The following SPOCK3 variants were observed in gnomAD, a reference collection of about 807,000 sequenced individuals.
SPOCK3 encodes SPARC (osteonectin), cwcv and kazal like domains proteoglycan 3.
Under a neutral mutation model 56.6 loss-of-function variants are expected in SPOCK3, and 30 were observed. That is an observed-to-expected ratio of 0.53 (90% confidence interval 0.40 to 0.72). The LOEUF (loss-of-function observed/expected upper bound fraction) is 0.72. Among genes scored for constraint, SPOCK3 ranks in the 30% least tolerant of loss-of-function variants. The probability of loss-of-function intolerance (pLI) is 0.00; values close to 1 mark genes in which losing one functional copy is unlikely to be tolerated. For missense variants in SPOCK3, 527 were observed against 530.0 expected, an observed-to-expected ratio of 0.99 and a Z score of 0.06; for synonymous variants, 196 against 183.3, an observed-to-expected ratio of 1.07 and a Z score of -0.56.
At chr4:167,158,037 A>G (rs1262333215) in intron 2 of SPOCK3, among the ~76,000 whole-genome samples, 1 of 152,042 alleles carries the variant, frequency 6.6e-6, no homozygotes, top group African/African-American at 2.4e-5. Context: ...GTGTAAAAAC[A>G]ACTATATCCT....
intron 6 of SPOCK3, among the ~76,000 whole-genome samples, chr4:166,818,220 T>C (rs564938452): frequency 1.3e-5 from 2 of 152,088 alleles, no homozygotes; most frequent in South Asian, 4.1e-4. Context: ...TTTCATCCTT[T>C]TTTGTGGCTA....
intron 2 of SPOCK3, among the ~76,000 whole-genome samples, chr4:167,148,273 T>C (rs1561266992): frequency 6.6e-6 from 1 of 152,058 alleles, no homozygotes; most frequent in Non-Finnish European, 1.5e-5. Context: ...AATGTCCTAA[T>C]ACAAAGAGGA....
intron 3 of SPOCK3, among the ~76,000 whole-genome samples, chr4:167,035,355 C>T (rs954998118): frequency 6.6e-6 from 1 of 150,744 alleles, no homozygotes; most frequent in African/African-American, 2.4e-5. Context: ...AAGGACAATA[C>T]AGAAAGTGGA....
intron 2 of SPOCK3, among the ~76,000 whole-genome samples, chr4:167,183,820 C>T (rs1006429963): frequency 6.6e-6 from 1 of 152,148 alleles, no homozygotes; most frequent in Admixed American, 6.5e-5. Context: ...AGTCTTCAGC[C>T]ATGAGAGCTT....
chr4:166,745,017 G>A (rs1419618299), intron 8 of SPOCK3, among the ~76,000 whole-genome samples: 1 of 152,182 alleles, frequency 6.6e-6, no homozygotes, highest in Non-Finnish European at 1.5e-5. Flanking sequence ...TTTGATTGGT[G>A]TACGTGAAAG....
intron 6 of SPOCK3, among the ~76,000 whole-genome samples, chr4:166,878,533 A>G (rs1426096937): frequency 1.3e-5 from 2 of 151,850 alleles, no homozygotes; most frequent in African/African-American, 4.8e-5. Context: ...GTATATTTTA[A>G]ATGTATAAAA....
chr4:167,112,848 T>TTTA (rs1554038269), intron 2 of SPOCK3, among the ~76,000 whole-genome samples: 1 of 149,490 alleles, frequency 6.7e-6, no homozygotes, highest in Non-Finnish European at 1.5e-5. Context: ...TGCTCTTTTT[T>TTTA]AAAAAAAAAA....
chr4:166,763,870 C>A (rs1281895981), intron 7 of SPOCK3, among the ~76,000 whole-genome samples: 11 of 152,116 alleles, frequency 7.2e-5, no homozygotes, highest in Non-Finnish European at 1.6e-4. Flanking sequence ...AACATCAATT[C>A]ATTATTTCAT....
rs1261451600 is a variant in SPOCK3, at chr4:167,057,208, A to C, written c.235+5284T>G. On this transcript the variant is annotated intron_variant, in intron 3 of 10. Coordinates refer to ENST00000357545, the MANE Select transcript of SPOCK3 (RefSeq NM_001040159.2). Reference sequence around the variant, plus strand: ...ACTAAGCTTCATAAGTGAAGGAGAAATAAAATACTTTACAGACAAGCAAAT... The same window carrying C: ...ACTAAGCTTCATAAGTGAAGGAGAACTAAAATACTTTACAGACAAGCAAAT... Among the ~76,000 whole-genome samples, 6 of 152,340 alleles carry C rather than the reference A, an allele frequency of 3.9e-5. No individual in the cohort carries two copies. The East Asian group carries it at 1.2e-3, about 29-fold the overall frequency.
chr4:166,983,756 A>G (rs893258781), intron 4 of SPOCK3, among the ~76,000 whole-genome samples: 2 of 152,116 alleles, frequency 1.3e-5, no homozygotes, highest in Admixed American at 1.3e-4. Flanking sequence ...TGAAAAATGT[A>G]TATTGCCCCT....
chr4:167,041,456 T>A lies in SPOCK3; in HGVS notation c.235+21036A>T, dbSNP rs186468591. ...AGTATCTAGAAGATCTAAAATCTGA[T>A]CTCAACTGCATTTATTAATATTTGT... On this transcript the variant is annotated intron_variant, in intron 3 of 10. Transcript: ENST00000357545. Among the ~76,000 whole-genome samples, 7 of 152,338 alleles carry A rather than the reference T, an allele frequency of 4.6e-5. No homozygotes were observed. The East Asian group carries it at 9.6e-4, about 21-fold the overall frequency.
At chr4:166,924,109 C>A (rs1254230784) in intron 4 of SPOCK3, among the ~76,000 whole-genome samples, 1 of 152,086 alleles carries the variant, frequency 6.6e-6, no homozygotes, top group Non-Finnish European at 1.5e-5. Flanking sequence ...CCGTTAAAAG[C>A]CAGTCAGTTA....
chr4:166,908,182 C>G (rs1043506306), intron 5 of SPOCK3, among the ~76,000 whole-genome samples: 4 of 151,294 alleles, frequency 2.6e-5, no homozygotes, highest in Non-Finnish European at 5.9e-5. Flanking sequence ...AAGGTTAAAA[C>G]ATTATAGTAG....
intron 5 of SPOCK3, among the ~76,000 whole-genome samples, chr4:166,900,606 GC>G (rs1735935804): frequency 6.6e-6 from 1 of 152,178 alleles, no homozygotes; most frequent in South Asian, 2.1e-4. Context: ...CCAGTTGGCA[GC>G]CTGTCCAAAG....
intron 6 of SPOCK3, among the ~76,000 whole-genome samples, chr4:166,813,531 G>C (rs890946795): frequency 1.3e-5 from 2 of 151,244 alleles, no homozygotes; most frequent in African/African-American, 4.9e-5. Context: ...ATCAGAAAAA[G>C]AAATATCCAA....
At chr4:167,084,086 C>T (rs577239127) in intron 2 of SPOCK3, among the ~76,000 whole-genome samples, 1 of 152,130 alleles carries the variant, frequency 6.6e-6, no homozygotes, top group South Asian at 2.1e-4. Flanking sequence ...TAATTAGTCT[C>T]AAATTTCATG....
At chr4:166,781,428 AGAG>A (rs1030269482) in intron 7 of SPOCK3, among the ~76,000 whole-genome samples, 43 of 99,918 alleles carry the variant, frequency 4.3e-4, no homozygotes, top group South Asian at 1.0e-3. Flanking sequence ...AAAATAAAAC[AGAG>A]GAGGAGGAGG....
intron 5 of SPOCK3, among the ~76,000 whole-genome samples, chr4:166,902,015 G>A (rs1171403075): frequency 1.3e-5 from 2 of 152,086 alleles, no homozygotes; most frequent in Non-Finnish European, 2.9e-5. Context: ...GATCTCCTGG[G>A]TTCACTCACA....
chr4:167,091,934 A>ATC (rs1293221509), intron 2 of SPOCK3, among the ~76,000 whole-genome samples: 2 of 152,198 alleles, frequency 1.3e-5, no homozygotes, highest in Admixed American at 1.3e-4. Flanking sequence ...AATAAAAAAT[A>ATC]TCTCTGTCTT....
Sources: allele counts gnomAD v4.1 joint callset (sites outside exome capture counted in the v4.1 genomes callset), GRCh38; gene constraint gnomAD v4.1.1; transcripts MANE v1.5; gene names NCBI Gene and HGNC (gene_info 2026-07-23, HGNC 2026-07-21).